The following SRSF11 variants were observed in gnomAD, a reference collection of about 807,000 sequenced individuals.
SRSF11 encodes serine/arginine-rich splicing factor 11.
A neutral mutation model predicts 56.0 loss-of-function variants in SRSF11; 9 were observed. That is an observed-to-expected ratio of 0.16 (90% CI 0.10 to 0.28). The LOEUF is 0.28. SRSF11 is among the 10% of genes least tolerant of loss of function. SRSF11 has a pLI of 1.00. For synonymous variants in SRSF11, 222 were observed against 215.3 expected (o/e 1.03, Z -0.27); for missense variants, 421 against 600.7 (o/e 0.70, Z 3.13).
intron 9 of SRSF11, chr1:70,249,042 T>C (rs936741902): frequency 6.6e-6 from 1 of 152,156 alleles, no homozygotes; most frequent in African/African-American, 2.4e-5. Context: ...TGATAACTTT[T>C]GAGAATCAGG....
At chr1:70,218,238 G>A (rs950537743), upstream of SRSF11, among the ~76,000 whole-genome samples, 35 of 152,194 alleles carry the variant, frequency 2.3e-4, no homozygotes, top group Non-Finnish European at 4.3e-4. Context: ...AAAGTGCTGG[G>A]ATTACAGGCA....
chr1:70,228,004 T>C (rs1216339218), intron 1 of SRSF11, among the ~76,000 whole-genome samples: 1 of 152,226 alleles, frequency 6.6e-6, no homozygotes, highest in Non-Finnish European at 1.5e-5. Context: ...TCTCATGATA[T>C]TCATTTGTCC....
chr1:70,235,453 A>T, intron 4 of SRSF11, 48 bp from the exon 5 acceptor site: 1 of 1,476,734 alleles, frequency 6.8e-7, no homozygotes, highest in Non-Finnish European at 9.3e-7. Context: ...AATATCGGTC[A>T]TTTATTGTTT....
At chr1:70,221,916 C>T in intron 1 of SRSF11, 77 bp downstream of exon 1, 2 of 1,559,318 alleles carry the variant, frequency 1.3e-6, no homozygotes, top group Non-Finnish European at 8.7e-7. Flanking sequence ...TCCTTAGGCC[C>T]CTGTCGCTGC....
chr1:70,249,345 A>G (rs975662585), intron 9 of SRSF11: 5 of 152,444 alleles, frequency 3.3e-5, no homozygotes, highest in Middle Eastern at 3.4e-3. Context: ...TTCTTCAGTA[A>G]TAGTTTACTT....
At chr1:70,245,022 CTAAG>C (rs1676423124) in intron 8 of SRSF11, among the ~76,000 whole-genome samples, 1 of 152,152 alleles carries the variant, frequency 6.6e-6, no homozygotes, top group Admixed American at 6.6e-5. Flanking sequence ...AGCTGAGGGC[CTAAG>C]TAAAATTTCT....
At chr1:70,236,908 C>G (rs920964430) in intron 5 of SRSF11, among the ~76,000 whole-genome samples, 11 of 149,308 alleles carry the variant, frequency 7.4e-5, no homozygotes, top group Non-Finnish European at 1.5e-4. Flanking sequence ...CTGTCTCAGC[C>G]TCCCGAATAG....
rs36018834 is a variant in SRSF11 at position 70,232,636 on chromosome 1, C to T, written c.447+259C>T. ...AACCCATGAGTAGTTTTGGAACAGTCTCCTGAGGCATGAACACTTCTCTGA... is the reference window on the plus strand; with the variant it reads ...AACCCATGAGTAGTTTTGGAACAGTTTCCTGAGGCATGAACACTTCTCTGA... On this transcript the variant is annotated intron_variant, in intron 3 of 11. Coordinates refer to ENST00000370949, the MANE Select transcript of SRSF11 (RefSeq NM_001350605.2). Among the ~76,000 whole-genome samples, 1,090 of 152,284 alleles carry T rather than the reference C, an allele frequency of 7.2e-3. 9 individuals are homozygous for T. The highest frequency in any genetic ancestry group is 0.03 in the South Asian group (147 of 4,828).
At position 70,252,314 on chromosome 1, in the gene SRSF11, G is replaced by A. The variant is rs750707579; in HGVS notation, c.*1509G>A. The A allele has an allele frequency of 2.6e-5, 4 of 152,000 alleles. No individual in the cohort carries two copies. The highest frequency in any genetic ancestry group is 4.4e-5 in the Non-Finnish European group (3 of 67,972). 9.4% of individuals were successfully genotyped at this position (152,000 alleles called of 1,614,324 possible). ...TATCTAGCAAATTTATATTTTCGGT[G>A]AAATACAGATATTTGCCTTTCTGGA... On this transcript the variant is annotated 3_prime_UTR_variant, in exon 12 of 12. Transcript: ENST00000370949.
chr1:70,221,679 C>G lies in SRSF11; in HGVS notation c.43C>G (p.Pro15Ala). The G allele has an allele frequency of 6.2e-7, 1 of 1,612,962 alleles. No individual in the cohort carries two copies. The highest frequency in any genetic ancestry group is 1.1e-5 in the South Asian group (1 of 90,968). The change falls in exon 1 of 12, where the codon CCC (proline) becomes GCC (alanine). Residue 15 changes from proline to alanine, a missense_variant. Physicochemically the swap from Pro to Ala is conservative, Grantham distance 27. Transcript: ENST00000370949. ...CGTCCCCAGCACTGCAGGTCCGGGC[C>G]CCAGCGGCGGGCCCGGTGGCGGAGG... ...TVVPSTAGPG[P>A]SGGPGGGGGG...
rs906940930 is a variant in SRSF11, at chr1:70,252,877, C to T, written c.*2072C>T. On this transcript the variant is annotated 3_prime_UTR_variant, in exon 12 of 12. Coordinates refer to ENST00000370949, the MANE Select transcript of SRSF11 (RefSeq NM_001350605.2). ...GACAAGATGCTACAGTGAAGATTAT[C>T]CATTCTTAGGATATTTATTTTCAGT... 1 of 152,066 alleles carries T rather than the reference C, an allele frequency of 6.6e-6. No individual in the cohort carries two copies. Among genetic ancestry groups the T allele is most frequent in the African/African-American group, 2.4e-5 (1 of 41,404 alleles). 9.4% of individuals were successfully genotyped at this position (152,066 alleles called of 1,614,324 possible).
chr1:70,230,471 T>G (rs1163734388), intron 2 of SRSF11: 1 of 1,221,924 alleles, frequency 8.2e-7, no homozygotes, highest in African/African-American at 1.6e-5. Flanking sequence ...TTAATAGTAA[T>G]GGATTTGGGG....
chr1:70,237,742 C>T (rs1157122984), intron 6 of SRSF11, among the ~76,000 whole-genome samples, 190 bp downstream of exon 6: 1 of 152,192 alleles, frequency 6.6e-6, no homozygotes, highest in Admixed American at 6.5e-5. Flanking sequence ...CCAACTGCAT[C>T]TAGAGGGCAA....
In SRSF11 at chr1:70,234,735, C is replaced by G; in HGVS notation, c.487C>G (p.Leu163Val). ...VPLAALGAPT[L>V]DPALAALGLP... ...ACTGGCTGCTTTGGGGGCTCCTACTCTTGATCCTGCCCTTGCTGCACTTGG... is the reference window on the plus strand; with the variant it reads ...ACTGGCTGCTTTGGGGGCTCCTACTGTTGATCCTGCCCTTGCTGCACTTGG... The change falls in exon 4 of 12, where the codon CTT becomes GTT. Residue 163 changes from leucine (L) to valine (V), a missense_variant. Leu to Val is a conservative substitution (Grantham distance 32, BLOSUM62 1). Transcript: ENST00000370949. The G allele has an allele frequency of 6.2e-7, 1 of 1,610,342 alleles. No homozygotes were observed. The highest frequency in any genetic ancestry group is 8.5e-7 in the Non-Finnish European group (1 of 1,178,152).
At position 70,244,792 on chromosome 1, in the gene SRSF11, G is replaced by T; in HGVS notation, c.909G>T (p.Arg303Ser). ...CTCATTCCAGAGAAAGAGGTAGAAG[G>T]TCAAGGAGCACATCAAAAACAAGGT... ...RRSHSRERGR[R>S]SRSTSKTRDK... Residue 303 changes from arginine to serine, a missense_variant, in exon 8 of 12, where the codon AGG becomes AGT. Physicochemically the swap from Arg to Ser is moderately radical, Grantham distance 110 (BLOSUM62 -1). Transcript: ENST00000370949. 6.2e-7 allele frequency: 1 copy of T among 1,614,114 alleles called. No homozygotes were observed. The highest frequency in any genetic ancestry group is 1.3e-5 in the African/African-American group (1 of 75,028).
At position 70,237,353 on chromosome 1, in the gene SRSF11, C is replaced by CTT. The variant is rs1241368724; in HGVS notation, c.591-71_591-70dup. The stretch of plus-strand genomic sequence containing the variant: ...TATTTTGCTAAAATAATGTTATATA[C>CTT]TTAAGTATTTATTTGAAATGCTCGT... On this transcript the variant is annotated intron_variant, in intron 5 of 11. Transcript: ENST00000370949. 1.9e-6 allele frequency: 3 copies of CTT among 1,576,504 alleles called. No homozygotes were observed. The African/African-American group carries it at 4.1e-5, about 22-fold the overall frequency.
At chr1:70,237,679 A>G (rs1674425251) in intron 6 of SRSF11, 127 bp downstream of exon 6, 2 of 1,305,360 alleles carry the variant, frequency 1.5e-6, no homozygotes, top group Admixed American at 4.8e-5. Flanking sequence ...AAGATTGTAT[A>G]GTGGAGTGCC....
intron 7 of SRSF11, 24 bp from the exon 8 acceptor site, chr1:70,244,660 A>T: frequency 1.9e-6 from 3 of 1,608,046 alleles, no homozygotes; most frequent in Non-Finnish European, 2.6e-6. Context: ...ATACACATGT[A>T]TTGGCTTCCT....
intron 1 of SRSF11, among the ~76,000 whole-genome samples, chr1:70,222,210 G>A (rs1205248167): frequency 6.6e-6 from 1 of 152,146 alleles, no homozygotes; most frequent in Non-Finnish European, 1.5e-5. Flanking sequence ...GTTCTTGGAA[G>A]AAAGGTAACA....
Sources: allele counts gnomAD v4.1 joint callset (sites outside exome capture counted in the v4.1 genomes callset), GRCh38; gene constraint gnomAD v4.1.1; transcripts MANE v1.5; gene names NCBI Gene and HGNC (gene_info 2026-07-23, HGNC 2026-07-21).